The following VTCN1 variants were observed in gnomAD, a reference collection of about 807,000 sequenced individuals.
VTCN1 encodes the protein V-set domain-containing T-cell activation inhibitor 1.
Under a neutral mutation model 26.5 loss-of-function variants are expected in VTCN1, and 26 were observed. The ratio of observed to expected loss-of-function variants is 0.98; its 90% CI spans 0.72 to 1.36. The LOEUF is 1.36. VTCN1 is among the 40% of genes most tolerant of loss of function. The pLI is 0.00. For missense variants in VTCN1, 298 were observed against 337.7 expected, an observed-to-expected ratio of 0.88 and a Z score of 0.92; for synonymous variants, 116 against 130.7, an observed-to-expected ratio of 0.89 and a Z score of 0.77.
chr1:117,204,024 A>C (rs1028777124), intron 1 of VTCN1, among the ~76,000 whole-genome samples: 4 of 152,158 alleles, frequency 2.6e-5, no homozygotes, highest in African/African-American at 9.7e-5. Flanking sequence ...CCCGCACCTC[A>C]CAGAACAAGG....
At chr1:117,208,450 G>A (rs770137754) in intron 1 of VTCN1, among the ~76,000 whole-genome samples, 13 of 152,226 alleles carry the variant, frequency 8.5e-5, no homozygotes, top group Admixed American at 4.6e-4. Flanking sequence ...TAAGGGTGGC[G>A]CGTTAGAGTT....
chr1:117,145,584 G>T lies in VTCN1; in HGVS notation c.*46-359C>A, dbSNP rs933565777. On this transcript the variant is annotated intron_variant, in intron 5 of 5. Transcript: ENST00000369458. This position sits in a 1 kb window ranked among gnomAD's most constrained non-coding sequence, Gnocchi z 4.6. ...CCAGGGAGTGTGTGTGGCCTAAAAT[G>T]CCATTACCCATTATAATGTGTGTCT... 6.6e-6 allele frequency among the ~76,000 whole-genome samples: 1 copy of T among 152,148 alleles called. No individual in the cohort carries two copies. The highest frequency in any genetic ancestry group is 1.5e-5 in the Non-Finnish European group (1 of 68,032).
At position 117,161,715 on chromosome 1, in the gene VTCN1, C is replaced by T. The variant is rs893761189; in HGVS notation, c.98-4794G>A. Among the ~76,000 whole-genome samples, 6 of 152,208 alleles carry T rather than the reference C, an allele frequency of 3.9e-5. No homozygotes were observed. The highest frequency in any genetic ancestry group is 7.4e-5 in the Non-Finnish European group (5 of 68,016). On this transcript the variant is annotated intron_variant, in intron 2 of 5. Transcript: ENST00000369458. This position sits in a 1 kb window ranked among gnomAD's most constrained non-coding sequence, Gnocchi z 4.3. ...TATTGTAGGAGTAAGGGACGTTTGG[C>T]AGGATTACCACATCTAAACTTTGGG... is the stretch of plus-strand genomic sequence containing the variant.
chr1:117,147,402 T>C lies in VTCN1; in HGVS notation c.*45+211A>G, dbSNP rs111616220. On this transcript the variant is annotated intron_variant, in intron 5 of 5. Coordinates refer to ENST00000369458, the MANE Select transcript of VTCN1 (RefSeq NM_024626.4). This position sits in a 1 kb window ranked among gnomAD's most constrained non-coding sequence, Gnocchi z 4.6. ...AATTTACATAAATACTTGAATTGTA[T>C]GTTATTTTTCCTATGGGTCTGTCAA... is the stretch of plus-strand genomic sequence containing the variant. Among the ~76,000 whole-genome samples, 1,003 of 152,332 alleles carry C rather than the reference T, an allele frequency of 6.6e-3. 12 individuals are homozygous for C. Among genetic ancestry groups the C allele is most frequent in the African/African-American group, 0.023 (942 of 41,568 alleles).
At chr1:117,168,860 G>T (rs1246143248) in intron 2 of VTCN1, among the ~76,000 whole-genome samples, 1 of 152,158 alleles carries the variant, frequency 6.6e-6, no homozygotes, top group Non-Finnish European at 1.5e-5. Flanking sequence ...CTCCCATAGT[G>T]CTGGGATTAT....
At chr1:117,193,513 GATA>G (rs1465662104) in intron 1 of VTCN1, among the ~76,000 whole-genome samples, 1 of 152,076 alleles carries the variant, frequency 6.6e-6, no homozygotes, top group African/African-American at 2.4e-5. Flanking sequence ...TAGTAACAAA[GATA>G]ATGACAAAGG....
chr1:117,210,872 C>T lies in VTCN1; in HGVS notation c.-17G>A. ...GGAAGCCATGGCTGGGGAAGGTTCC[C>T]AGCGTATCTGGGTACTGGCTGAGTG... On this transcript the variant is annotated 5_prime_UTR_variant, in exon 1 of 6. Coordinates refer to ENST00000369458, the MANE Select transcript of VTCN1 (RefSeq NM_024626.4). 1 of 1,614,084 alleles carries T rather than the reference C, an allele frequency of 6.2e-7. No homozygotes were observed. Among genetic ancestry groups the T allele is most frequent in the Non-Finnish European group, 8.5e-7 (1 of 1,179,986 alleles).
intron 1 of VTCN1, among the ~76,000 whole-genome samples, chr1:117,210,617 C>T (rs762988271): frequency 2.0e-5 from 3 of 152,214 alleles, no homozygotes; most frequent in Admixed American, 1.3e-4. Flanking sequence ...CTCCCTAACC[C>T]TGAACAGGTG....
intron 1 of VTCN1, among the ~76,000 whole-genome samples, chr1:117,172,033 C>T (rs1002842270): frequency 2.6e-5 from 4 of 152,192 alleles, no homozygotes; most frequent in African/African-American, 9.7e-5. Flanking sequence ...CCGTTGCTGC[C>T]TGTCCTGGCG....
intron 2 of VTCN1, among the ~76,000 whole-genome samples, chr1:117,168,343 G>T (rs1049818725): frequency 1.6e-4 from 25 of 152,116 alleles, no homozygotes; most frequent in African/African-American, 5.8e-4. Context: ...AGTGGTGCTG[G>T]GTTTATTGGA....
intron 1 of VTCN1, among the ~76,000 whole-genome samples, chr1:117,204,160 C>A (rs923832271): frequency 3.3e-5 from 5 of 152,120 alleles, no homozygotes; most frequent in African/African-American, 1.2e-4. Flanking sequence ...TGTTTTTCTG[C>A]AAAAACATCG....
At chr1:117,171,763 G>A (rs933692961) in intron 1 of VTCN1, among the ~76,000 whole-genome samples, 1 of 152,178 alleles carries the variant, frequency 6.6e-6, no homozygotes, top group Non-Finnish European at 1.5e-5. Context: ...TTTTATAGAT[G>A]GGGAAGTGAC....
chr1:117,146,719 C>T lies in VTCN1; in HGVS notation c.*45+894G>A, dbSNP rs1009144572. Among the ~76,000 whole-genome samples, 6 of 152,136 alleles carry T rather than the reference C, an allele frequency of 3.9e-5. No homozygotes were observed. The highest frequency in any genetic ancestry group is 3.9e-4 in the Admixed American group (6 of 15,260). On this transcript the variant is annotated intron_variant, in intron 5 of 5. Coordinates refer to ENST00000369458, the MANE Select transcript of VTCN1 (RefSeq NM_024626.4). This position sits in a 1 kb window ranked among gnomAD's most constrained non-coding sequence, Gnocchi z 4.2. ...GTAGTAATGGTGGGTAGGTATGCTT[C>T]TGTGACTTTGACTTCGATATAGTTA... is the stretch of plus-strand genomic sequence containing the variant.
chr1:117,200,692 C>A (rs1174109997), intron 1 of VTCN1, among the ~76,000 whole-genome samples: 6 of 152,214 alleles, frequency 3.9e-5, no homozygotes, highest in African/African-American at 1.4e-4. Context: ...GATCTTACAG[C>A]AACACTATTT....
At chr1:117,152,219 G>C (rs1372649115) in intron 4 of VTCN1, among the ~76,000 whole-genome samples, 1 of 151,796 alleles carries the variant, frequency 6.6e-6, no homozygotes, top group Non-Finnish European at 1.5e-5. Context: ...GATAATTTTG[G>C]GTTCATATGT....
chr1:117,195,719 G>A (rs997496512), intron 1 of VTCN1, among the ~76,000 whole-genome samples: 2 of 152,092 alleles, frequency 1.3e-5, no homozygotes, highest in South Asian at 2.1e-4. Flanking sequence ...TGTGGGGAGA[G>A]GGGAAAAATT....
Position 117,147,910 on chromosome 1 carries a change from C to G in VTCN1, c.725-128G>C, listed in dbSNP as rs1033585913. ...GTTCCTAATTCAGGCAATTTTTTAC[C>G]CCTTTGCCCACCTCTCCGTAACTGG... On this transcript the variant is annotated intron_variant, in intron 4 of 5. Transcript: ENST00000369458. This position sits in a 1 kb window ranked among gnomAD's most constrained non-coding sequence, Gnocchi z 4.6. 1 of 1,271,124 alleles carries G rather than the reference C, an allele frequency of 7.9e-7. No homozygotes were observed. The highest frequency in any genetic ancestry group is 1.1e-6 in the Non-Finnish European group (1 of 929,820). The allele number at this position is 1,271,124 out of a possible 1,614,324, so 78.7% of individuals were successfully genotyped here. A position where few individuals can be genotyped will look rare whatever the true frequency, so the allele number is the denominator to read the frequency against.
chr1:117,167,729 C>T lies in VTCN1; in HGVS notation c.97+2378G>A, dbSNP rs556369546. Among the ~76,000 whole-genome samples the T allele has an allele frequency of 1.1e-4, 17 of 152,268 alleles. No homozygotes were observed. Among genetic ancestry groups the T allele is most frequent in the Admixed American group, 1.0e-3 (16 of 15,298 alleles). On this transcript the variant is annotated intron_variant, in intron 2 of 5. Coordinates refer to ENST00000369458, the MANE Select transcript of VTCN1 (RefSeq NM_024626.4). This position sits in a 1 kb window ranked among gnomAD's most constrained non-coding sequence, Gnocchi z 4.1. ...TGAGCTGCTTTTTTAAGCACTCACA[C>T]TCCTTGTGAGCTGCTTTATTTTGAG...
intron 1 of VTCN1, among the ~76,000 whole-genome samples, chr1:117,172,888 C>T (rs1292628311): frequency 6.6e-6 from 1 of 152,138 alleles, no homozygotes; most frequent in Non-Finnish European, 1.5e-5. Flanking sequence ...TAAAATGGAC[C>T]AATCAGCAGG....
Sources: gnomAD v4.1 joint callset for allele counts (sites outside exome capture counted in the v4.1 genomes callset) on GRCh38, gnomAD v4.1.1 for gene constraint, Gnocchi (gnomAD v3.1) non-coding constraint, MANE v1.5 for transcripts, NCBI Gene and HGNC (gene_info 2026-07-23, HGNC 2026-07-21) for gene names.